DGCR2: variants seen among roughly 807,000 people sequenced by gnomAD.
The protein encoded by DGCR2 is integral membrane protein DGCR2/IDD.
Under a neutral mutation model 51.6 loss-of-function variants are expected in DGCR2, and 24 were observed. The ratio of observed to expected loss-of-function variants is 0.47; its 90% CI spans 0.34 to 0.65. The LOEUF is 0.65. Ranked by LOEUF, DGCR2 falls within the 30% of genes least tolerant of loss-of-function variation. The pLI is 0.01. For synonymous variants in DGCR2, 340 were observed against 315.4 expected (o/e 1.08, Z -0.82); for missense variants, 765 against 772.1 (o/e 0.99, Z 0.11).
intron 2 of DGCR2, among the ~76,000 whole-genome samples, chr22:19,082,878 C>T (rs529336073): frequency 6.6e-5 from 10 of 152,266 alleles, no homozygotes; most frequent in Admixed American, 2.6e-4. Flanking sequence ...TGCTTAAACT[C>T]GTGAGTTAGA....
Position 19,057,286 on chromosome 22 carries a change from G to T in DGCR2, c.626-124C>A. ...ACAGGGCCTGGACCGCCAAGTACTGGTGGTCACTGTGGCCAGGTGTTCACT... is the reference window on the plus strand; with the variant it reads ...ACAGGGCCTGGACCGCCAAGTACTGTTGGTCACTGTGGCCAGGTGTTCACT... On this transcript the variant is annotated intron_variant, in intron 5 of 9. Coordinates refer to ENST00000263196, the MANE Select transcript of DGCR2 (RefSeq NM_005137.3). This position sits in a 1 kb window ranked among gnomAD's most constrained non-coding sequence, Gnocchi z 5.1. 9.3e-7 allele frequency: 1 copy of T among 1,075,266 alleles called. No individual in the cohort carries two copies. The highest frequency in any genetic ancestry group is 1.6e-5 in the African/African-American group (1 of 62,604). 66.6% of individuals were successfully genotyped at this position (1,075,266 alleles called of 1,614,324 possible). A position where few individuals can be genotyped will look rare whatever the true frequency, so the allele number is the denominator to read the frequency against.
At chr22:19,120,306 C>T (rs1385422184) in intron 1 of DGCR2, among the ~76,000 whole-genome samples, 1 of 152,198 alleles carries the variant, frequency 6.6e-6, no homozygotes, top group African/African-American at 2.4e-5. Flanking sequence ...GTGAGGTCTC[C>T]TGTGACGCCC....
chr22:19,084,043 G>A (rs1345972337), intron 2 of DGCR2, among the ~76,000 whole-genome samples: 2 of 152,102 alleles, frequency 1.3e-5, no homozygotes, highest in Non-Finnish European at 2.9e-5. Context: ...CCAGGCCGAA[G>A]TGCAGTGGCG....
chr22:19,079,101 T>G (rs1489234760), intron 2 of DGCR2, among the ~76,000 whole-genome samples: 5 of 152,196 alleles, frequency 3.3e-5, no homozygotes, highest in African/African-American at 1.2e-4. Context: ...TTAAGCAATT[T>G]GTTAATGTAC....
At chr22:19,056,418 C>A in intron 6 of DGCR2, 2 of 493,852 alleles carry the variant, frequency 4.0e-6, no homozygotes, top group Non-Finnish European at 7.4e-6. Context: ...CCCCAACCTG[C>A]GCACAGCTGC....
At chr22:19,064,043 C>A (rs2082719755) in intron 4 of DGCR2, among the ~76,000 whole-genome samples, 1 of 152,256 alleles carries the variant, frequency 6.6e-6, no homozygotes, top group Admixed American at 6.5e-5. Flanking sequence ...AGGCCTAGCA[C>A]TGAAAGGACC....
chr22:19,038,734 C>T lies in DGCR2; in HGVS notation c.*131G>A, dbSNP rs1601492909. Reference sequence around the variant, plus strand: ...GGGCTGTGGTCTCTATGTACACACGCGAGCCCGCCAGTGACGTGCGGCAGT... The same window carrying T: ...GGGCTGTGGTCTCTATGTACACACGTGAGCCCGCCAGTGACGTGCGGCAGT... On this transcript the variant is annotated 3_prime_UTR_variant, in exon 10 of 10. Transcript: ENST00000263196. 5.4e-6 allele frequency: 7 copies of T among 1,295,764 alleles called. 1 individual carries two copies. Among genetic ancestry groups the T allele is most frequent in the South Asian group, 4.3e-5 (3 of 69,354 alleles). 80.3% of individuals were successfully genotyped at this position (1,295,764 alleles called of 1,614,324 possible). A position where few individuals can be genotyped will look rare whatever the true frequency, so the allele number is the denominator to read the frequency against.
At chr22:19,097,269 G>A (rs1358186457) in intron 1 of DGCR2, among the ~76,000 whole-genome samples, 1 of 152,052 alleles carries the variant, frequency 6.6e-6, no homozygotes, top group Non-Finnish European at 1.5e-5. Flanking sequence ...ATATGTAAGT[G>A]AAACAGCCAG....
intron 1 of DGCR2, among the ~76,000 whole-genome samples, chr22:19,110,934 C>A (rs1268948868): frequency 6.6e-6 from 1 of 152,186 alleles, no homozygotes; most frequent in African/African-American, 2.4e-5. Flanking sequence ...GCTAAAATTT[C>A]ATTTAACTTT....
chr22:19,063,031 G>C (rs970217552), intron 5 of DGCR2, among the ~76,000 whole-genome samples, 171 bp downstream of exon 5: 1 of 152,192 alleles, frequency 6.6e-6, no homozygotes, highest in Non-Finnish European at 1.5e-5. Flanking sequence ...GGCCTGATCT[G>C]CAGGCTGCAC....
At chr22:19,109,211 G>C (rs1411276663) in intron 1 of DGCR2, among the ~76,000 whole-genome samples, 2 of 152,184 alleles carry the variant, frequency 1.3e-5, no homozygotes, top group Admixed American at 1.3e-4. Context: ...AAATGGTACA[G>C]TCACTATGGA....
intron 2 of DGCR2, among the ~76,000 whole-genome samples, chr22:19,077,543 A>C (rs1292194289): frequency 6.6e-6 from 1 of 152,204 alleles, no homozygotes; most frequent in African/African-American, 2.4e-5. Context: ...CCATTGGTCT[A>C]TATGTCTGTC....
intron 6 of DGCR2, chr22:19,056,554 TA>T (rs57447746): frequency 0.067 from 16,605 of 246,042 alleles, 208 homozygotes; most frequent in South Asian, 0.17. Context: ...CTGGCTTTAA[TA>T]AAAAAAAAAA....
intron 3 of DGCR2, among the ~76,000 whole-genome samples, chr22:19,066,992 C>T (rs1469333895): frequency 6.6e-6 from 1 of 152,196 alleles, no homozygotes; most frequent in South Asian, 2.1e-4. Flanking sequence ...GGGCACAGGC[C>T]GGAGACAAAG....
intron 2 of DGCR2, among the ~76,000 whole-genome samples, chr22:19,069,568 G>A (rs976334760): frequency 1.3e-5 from 2 of 152,132 alleles, no homozygotes; most frequent in African/African-American, 2.4e-5. Context: ...TCCATTTCAC[G>A]ACTTGCTTTG....
chr22:19,038,989 G>A lies in DGCR2; in HGVS notation c.1529C>T (p.Ser510Phe), dbSNP rs1236111275. Residue 510 changes from serine (S) to phenylalanine (F), a missense_variant, in exon 10 of 10, where the codon TCT becomes TTT. By Grantham distance (155) the Ser-to-Phe change is radical. This residue lies in a region of DGCR2 where 205 missense variants were observed against 181.4 expected (regional missense o/e 1.13). Coordinates refer to ENST00000263196, the MANE Select transcript of DGCR2 (RefSeq NM_005137.3). ...AGASLADLED[S>F]ADSSSALLVP... ...GAGCAGGGCGCTGCTGCTGTCGGCA[G>A]AGTCTTCCAGGTCTGCCAGAGAGGC... The A allele has an allele frequency of 1.2e-6, 2 of 1,610,878 alleles. No individual in the cohort carries two copies. Among genetic ancestry groups the A allele is most frequent in the South Asian group, 2.2e-5 (2 of 90,954 alleles).
intron 2 of DGCR2, among the ~76,000 whole-genome samples, chr22:19,085,118 AAAC>A (rs1193974592): frequency 1.3e-5 from 2 of 151,880 alleles, no homozygotes; most frequent in African/African-American, 2.4e-5. Flanking sequence ...AAAAAAAAAA[AAAC>A]AAAGATGGTT....
intron 2 of DGCR2, among the ~76,000 whole-genome samples, chr22:19,077,722 A>G (rs2082893995): frequency 6.6e-6 from 1 of 152,220 alleles, no homozygotes; most frequent in African/African-American, 2.4e-5. Context: ...TCAGCAAAAA[A>G]AACTTGTTGG....
intron 4 of DGCR2, among the ~76,000 whole-genome samples, chr22:19,064,443 C>G (rs1442862748): frequency 1.3e-5 from 2 of 152,204 alleles, no homozygotes; most frequent in Non-Finnish European, 2.9e-5. Flanking sequence ...CGAAGGCCCC[C>G]TTGCTTTCTT....
Sources: gnomAD v4.1 joint callset for allele counts (sites outside exome capture counted in the v4.1 genomes callset) on GRCh38, gnomAD v4.1.1 for gene constraint, gnomAD v4.1.1 regional missense constraint, Gnocchi (gnomAD v3.1) non-coding constraint, MANE v1.5 for transcripts, NCBI Gene and HGNC (gene_info 2026-07-23, HGNC 2026-07-21) for gene names.